The following TRAF2 variants were observed in gnomAD, a reference collection of about 807,000 sequenced individuals.
The protein encoded by TRAF2 is TNF receptor-associated factor 2.
TRAF2 carries 6 observed loss-of-function variants against 55.6 expected under a neutral mutation model. That is an observed-to-expected ratio of 0.11 (90% CI 0.06 to 0.21). TRAF2 has a LOEUF of 0.21. Among genes scored for constraint, TRAF2 ranks in the 10% least tolerant of loss-of-function variants. TRAF2 has a pLI of 1.00. For synonymous variants in TRAF2, 329 were observed against 276.3 expected, an observed-to-expected ratio of 1.19 and a Z score of -1.89; for missense variants, 561 against 684.5, an observed-to-expected ratio of 0.82 and a Z score of 2.01.
chr9:136,911,232 C>CTCTGTGCA (rs1268952186), intron 6 of TRAF2, among the ~76,000 whole-genome samples: 3 of 150,258 alleles, frequency 2.0e-5, no homozygotes, highest in Non-Finnish European at 1.5e-5. Flanking sequence ...ACGGGGCTTT[C>CTCTGTGCA]TCTGTGCATG....
rs1186546364 is a variant in TRAF2, at chr9:136,886,550, A to G, written c.-29+9A>G. ...CGCGCTGCGACCGTTGGGTGAGGCG[A>G]GCGCGGGGTCGGGTGCGGGGTCGGG... On this transcript the variant is annotated intron_variant, in intron 1 of 10. Coordinates refer to ENST00000247668, the MANE Select transcript of TRAF2 (RefSeq NM_021138.4). 1 of 975,590 alleles carries G rather than the reference A, an allele frequency of 1.0e-6. No homozygotes were observed. The highest frequency in any genetic ancestry group is 1.9e-5 in the African/African-American group (1 of 52,166). 60.4% of individuals were successfully genotyped at this position (975,590 alleles called of 1,614,324 possible). A position where few individuals can be genotyped will look rare whatever the true frequency, so the allele number is the denominator to read the frequency against.
At chr9:136,913,687 A>G (rs1850175690) in intron 6 of TRAF2, among the ~76,000 whole-genome samples, 1 of 152,078 alleles carries the variant, frequency 6.6e-6, no homozygotes, top group South Asian at 2.1e-4. Context: ...AGGTTCTTTT[A>G]AAATGTGAGG....
intron 6 of TRAF2, chr9:136,910,241 T>A: frequency 1.8e-6 from 1 of 567,140 alleles, no homozygotes. Context: ...TGCTTACTTT[T>A]CAGCAGGTCA....
chr9:136,891,018 C>G (rs1201571320), intron 1 of TRAF2, among the ~76,000 whole-genome samples: 1 of 152,162 alleles, frequency 6.6e-6, no homozygotes, highest in Non-Finnish European at 1.5e-5. Flanking sequence ...ACCACAGATG[C>G]GAGATCCTCC....
chr9:136,911,221 C>A (rs1251301381), intron 6 of TRAF2, among the ~76,000 whole-genome samples: 1 of 151,304 alleles, frequency 6.6e-6, no homozygotes, highest in African/African-American at 2.4e-5. Flanking sequence ...TCACTGTGAA[C>A]ACGGGGCTTT....
At chr9:136,913,284 A>C (rs1850163993) in intron 6 of TRAF2, among the ~76,000 whole-genome samples, 1 of 143,416 alleles carries the variant, frequency 7.0e-6, no homozygotes, top group Non-Finnish European at 1.5e-5. Flanking sequence ...CCATGTTCTT[A>C]TTATAAAGGA....
chr9:136,908,692 C>G (rs17250379), intron 5 of TRAF2, among the ~76,000 whole-genome samples: 1 of 152,096 alleles, frequency 6.6e-6, no homozygotes, highest in Non-Finnish European at 1.5e-5. Context: ...TGGTGAAACC[C>G]TGTCTCTACT....
intron 8 of TRAF2, 111 bp from the exon 9 acceptor site, chr9:136,920,927 G>A: frequency 7.5e-7 from 1 of 1,325,926 alleles, no homozygotes; most frequent in Non-Finnish European, 1.0e-6. Flanking sequence ...GAAACATGGA[G>A]CCCAGGGGTG....
At chr9:136,890,062 G>A (rs1296319508) in intron 1 of TRAF2, among the ~76,000 whole-genome samples, 8 of 132,430 alleles carry the variant, frequency 6.0e-5, no homozygotes, top group East Asian at 2.3e-4. Flanking sequence ...TCGTTCAGCC[G>A]GTCACCGCGT....
intron 2 of TRAF2, 141 bp downstream of exon 2, chr9:136,899,069 G>T: frequency 1.2e-6 from 1 of 814,872 alleles, no homozygotes; most frequent in Non-Finnish European, 1.9e-6. Flanking sequence ...GGATTTCGGA[G>T]GTTTACCACA....
upstream of TRAF2, among the ~76,000 whole-genome samples, chr9:136,884,016 G>C (rs1325210161): frequency 4.0e-5 from 6 of 151,566 alleles, no homozygotes; most frequent in East Asian, 2.0e-4. Flanking sequence ...GTAGAGACAG[G>C]GTTTCAACAT....
Position 136,903,217 on chromosome 9 carries a change from C to CT in TRAF2, c.366+2698dup, listed in dbSNP as rs1389217212. Among the ~76,000 whole-genome samples, 12 of 152,220 alleles carry CT rather than the reference C, an allele frequency of 7.9e-5. 1 individual carries two copies. Among genetic ancestry groups the CT allele is most frequent in the Admixed American group, 7.2e-4 (11 of 15,278 alleles). ...CCATCCACCTTGGCCTCCCAAAGTG[C>CT]TGAGATTCCTGGCATAAGCCACTGC... is the stretch of plus-strand genomic sequence containing the variant. On this transcript the variant is annotated intron_variant, in intron 4 of 10. Transcript: ENST00000247668.
At chr9:136,886,331 G>C, upstream of TRAF2, 1 of 931,250 alleles carries the variant, frequency 1.1e-6, no homozygotes, top group Non-Finnish European at 1.3e-6. Flanking sequence ...CGGCTCCTGC[G>C]GGCTCGCTGG....
chr9:136,923,035 A>G (rs910485861), intron 9 of TRAF2, among the ~76,000 whole-genome samples: 1 of 152,174 alleles, frequency 6.6e-6, no homozygotes, highest in Non-Finnish European at 1.5e-5. Flanking sequence ...ACCTTTGCAC[A>G]CAGTGTTCTG....
chr9:136,921,247 C>G (rs1370043377), intron 9 of TRAF2, 32 bp downstream of exon 9: 3 of 1,610,860 alleles, frequency 1.9e-6, no homozygotes, highest in African/African-American at 1.3e-5. Flanking sequence ...CTCACTGCAG[C>G]TGCTGTTTAC....
chr9:136,905,823 C>T (rs187939279), intron 4 of TRAF2, among the ~76,000 whole-genome samples: 271 of 152,078 alleles, frequency 1.8e-3, no homozygotes, highest in African/African-American at 5.1e-3. Flanking sequence ...ATGGCTCTAC[C>T]GCCGGGCGCG....
Position 136,900,502 on chromosome 9 carries a change from G to A in TRAF2, c.348G>A (p.Gly116=), listed in dbSNP as rs760150575. Residue 116 remains glycine, a synonymous_variant, in exon 4 of 11, where the codon GGG becomes GGA. Coordinates refer to ENST00000247668, the MANE Select transcript of TRAF2 (RefSeq NM_021138.4). Reference sequence around the variant, plus strand: ...CCAGTGATGGATGCACCTGGAAGGGGACCCTGAAAGAATACGAGGTAAAGA... The same window carrying A: ...CCAGTGATGGATGCACCTGGAAGGGAACCCTGAAAGAATACGAGGTAAAGA... ...VCPSDGCTWK[G]TLKEYESCHE... is the part of the protein sequence containing the mutation. The A allele has an allele frequency of 8.1e-6, 13 of 1,614,076 alleles. No homozygotes were observed. The highest frequency in any genetic ancestry group is 4.5e-5 in the East Asian group (2 of 44,884).
At chr9:136,912,539 G>T (rs376657546) in intron 6 of TRAF2, among the ~76,000 whole-genome samples, 9 of 151,886 alleles carry the variant, frequency 5.9e-5, no homozygotes, top group African/African-American at 1.9e-4. Context: ...TATAGAGTAG[G>T]TTTAAAATTA....
In TRAF2 at chr9:136,904,698, G is replaced by A. The variant is rs573171968; in HGVS notation, c.367-3372G>A. Among the ~76,000 whole-genome samples the A allele has an allele frequency of 3.1e-4, 47 of 152,160 alleles. No individual in the cohort carries two copies. The East Asian group carries it at 3.3e-3, about 11-fold the overall frequency. Reference sequence around the variant, plus strand: ...CTGGGATTACAAGGCGTTAGCCACCGCGCCTGGCCTAAAGAACAGTCTTTT... The same window carrying A: ...CTGGGATTACAAGGCGTTAGCCACCACGCCTGGCCTAAAGAACAGTCTTTT... On this transcript the variant is annotated intron_variant, in intron 4 of 10. Transcript: ENST00000247668.
Sources: allele counts gnomAD v4.1 joint callset (sites outside exome capture counted in the v4.1 genomes callset), GRCh38; gene constraint gnomAD v4.1.1; transcripts MANE v1.5; gene names NCBI Gene and HGNC (gene_info 2026-07-23, HGNC 2026-07-21).